The following LRRC4C variants were observed in gnomAD, a reference collection of about 807,000 sequenced individuals.
The protein encoded by LRRC4C is leucine-rich repeat-containing protein 4C.
In LRRC4C, 5 loss-of-function variants were observed where a neutral mutation model predicts 33.6. The observed-to-expected ratio is 0.15, with a 90% CI of 0.08 to 0.31. The LOEUF (loss-of-function observed/expected upper bound fraction) is 0.31. LRRC4C is among the 10% of genes least tolerant of loss of function. The probability of loss-of-function intolerance (pLI) is 1.00; values close to 1 mark genes in which losing one functional copy is unlikely to be tolerated. For missense variants in LRRC4C, 560 were observed against 796.7 expected, an observed-to-expected ratio of 0.70 and a Z score of 3.58; for synonymous variants, 329 against 302.0, an observed-to-expected ratio of 1.09 and a Z score of -0.93.
intron 3 of LRRC4C, among the ~76,000 whole-genome samples, chr11:40,382,445 T>A (rs1269278157): frequency 6.6e-6 from 1 of 151,728 alleles, no homozygotes; most frequent in Non-Finnish European, 1.5e-5. Context: ...GATAAGTGTA[T>A]ACTACCCTTG....
intron 3 of LRRC4C, among the ~76,000 whole-genome samples, chr11:40,471,334 C>G (rs899008026): frequency 2.6e-5 from 4 of 152,078 alleles, no homozygotes; most frequent in African/African-American, 9.7e-5. Flanking sequence ...CAAGAAAATG[C>G]TGAGGGATTT....
chr11:41,280,126 C>T (rs777472169), intron 1 of LRRC4C, among the ~76,000 whole-genome samples: 1 of 152,062 alleles, frequency 6.6e-6, no homozygotes, highest in Non-Finnish European at 1.5e-5. Context: ...TACTTCAATG[C>T]CTAGTATGTT....
chr11:41,085,928 C>CAAAAAAAA (rs10717008), intron 1 of LRRC4C, among the ~76,000 whole-genome samples: 322 of 79,914 alleles, frequency 4.0e-3, no homozygotes, highest in Middle Eastern at 8.9e-3. Flanking sequence ...TTTAAGACAC[C>CAAAAAAAA]AAAAAAAAAA....
intron 1 of LRRC4C, among the ~76,000 whole-genome samples, chr11:41,364,558 G>A (rs992268099): frequency 2.6e-5 from 4 of 152,138 alleles, no homozygotes; most frequent in Admixed American, 2.0e-4. Context: ...TTACAGGCAT[G>A]AGCCACTGTG....
chr11:40,671,990 A>G (rs1327275372), intron 2 of LRRC4C, among the ~76,000 whole-genome samples: 4 of 152,286 alleles, frequency 2.6e-5, no homozygotes, highest in East Asian at 1.9e-4. Context: ...CTCAGTGACT[A>G]TGTCCTGGGT....
intron 3 of LRRC4C, among the ~76,000 whole-genome samples, chr11:40,348,720 A>AT (rs1489476596): frequency 1.3e-5 from 2 of 152,200 alleles, no homozygotes; most frequent in African/African-American, 4.8e-5. Flanking sequence ...CTTTCTAATG[A>AT]CTTCAGTGTA....
intron 1 of LRRC4C, among the ~76,000 whole-genome samples, chr11:41,446,533 G>A (rs1414950589): frequency 2.0e-5 from 3 of 151,702 alleles, no homozygotes; most frequent in African/African-American, 7.3e-5. Flanking sequence ...TTTCCTATAT[G>A]TGACTTCCAC....
At chr11:40,295,964 G>A (rs1471767660) in intron 4 of LRRC4C, among the ~76,000 whole-genome samples, 2 of 152,142 alleles carry the variant, frequency 1.3e-5, no homozygotes, top group African/African-American at 2.4e-5. Flanking sequence ...AGCTTCAAAG[G>A]AGTCTATCCT....
chr11:41,258,438 T>G, intron 1 of LRRC4C, among the ~76,000 whole-genome samples: 1 of 151,976 alleles, frequency 6.6e-6, no homozygotes, highest in East Asian at 1.9e-4. Context: ...CAAACAGATC[T>G]GATATAATTT....
intron 1 of LRRC4C, among the ~76,000 whole-genome samples, chr11:41,349,285 T>C (rs1951898487): frequency 6.6e-6 from 1 of 152,064 alleles, no homozygotes; most frequent in South Asian, 2.1e-4. Flanking sequence ...CAGCACACAC[T>C]TGCCTGCAAC....
intron 1 of LRRC4C, among the ~76,000 whole-genome samples, chr11:41,396,073 T>C (rs1591425233): frequency 6.6e-6 from 1 of 151,926 alleles, no homozygotes; most frequent in East Asian, 1.9e-4. Context: ...ACGGCTATTG[T>C]TAGTGTATTT....
At chr11:40,534,474 C>T (rs951853438) in intron 3 of LRRC4C, among the ~76,000 whole-genome samples, 6 of 152,076 alleles carry the variant, frequency 3.9e-5, no homozygotes, top group Non-Finnish European at 7.4e-5. Context: ...AGTCAGAAGC[C>T]TTGTTTGCCT....
At chr11:40,825,897 C>T (rs548426872) in intron 2 of LRRC4C, among the ~76,000 whole-genome samples, 4 of 142,934 alleles carry the variant, frequency 2.8e-5, no homozygotes, top group East Asian at 4.3e-4. Context: ...TTAAACAGTA[C>T]TTTTTTTTCT....
At chr11:40,251,139 A>G (rs1590821753) in intron 4 of LRRC4C, among the ~76,000 whole-genome samples, 1 of 152,294 alleles carries the variant, frequency 6.6e-6, no homozygotes, top group Non-Finnish European at 1.5e-5. Flanking sequence ...GTCACTGAGA[A>G]CCAATGTACA....
intron 2 of LRRC4C, among the ~76,000 whole-genome samples, chr11:40,755,498 A>G (rs937579081): frequency 1.3e-5 from 2 of 152,100 alleles, no homozygotes; most frequent in Admixed American, 6.6e-5. Context: ...CTCCATTATT[A>G]ATAGCCTCCT....
intron 2 of LRRC4C, among the ~76,000 whole-genome samples, chr11:40,859,359 A>G (rs538478260): frequency 6.6e-6 from 1 of 152,312 alleles, no homozygotes; most frequent in Non-Finnish European, 1.5e-5. Flanking sequence ...AATGAGATTC[A>G]TGCTTGAGAG....
intron 1 of LRRC4C, among the ~76,000 whole-genome samples, chr11:40,957,776 G>A (rs1959027089): frequency 6.6e-6 from 1 of 151,648 alleles, no homozygotes; most frequent in Admixed American, 6.6e-5. Context: ...TCTACTGGGG[G>A]ATGAGGGGTT....
intron 1 of LRRC4C, among the ~76,000 whole-genome samples, chr11:40,954,550 G>A (rs1434293227): frequency 6.6e-6 from 1 of 151,824 alleles, no homozygotes; most frequent in Non-Finnish European, 1.5e-5. Context: ...TTATAAGAAT[G>A]TTAATAGCAT....
intron 1 of LRRC4C, among the ~76,000 whole-genome samples, chr11:41,385,569 T>G: frequency 6.6e-6 from 1 of 151,724 alleles, no homozygotes; most frequent in East Asian, 1.9e-4. Flanking sequence ...TAAGACTTAA[T>G]GATTACTAAA....
Sources: allele counts gnomAD v4.1 joint callset (sites outside exome capture counted in the v4.1 genomes callset), GRCh38; gene constraint gnomAD v4.1.1; transcripts MANE v1.5; gene names NCBI Gene and HGNC (gene_info 2026-07-23, HGNC 2026-07-21).